FBXL17: variants seen among roughly 807,000 people sequenced by gnomAD.
The protein encoded by FBXL17 is F-box and leucine rich repeat protein 17.
Under a neutral mutation model 66.2 loss-of-function variants are expected in FBXL17, and 22 were observed. The observed-to-expected ratio is 0.33, with a 90% confidence interval of 0.24 to 0.47. The LOEUF is 0.47. Among genes scored for constraint, FBXL17 ranks in the 20% least tolerant of loss-of-function variants. FBXL17 has a pLI of 1.00. For synonymous variants in FBXL17, 474 were observed against 400.5 expected, an observed-to-expected ratio of 1.18 and a Z score of -2.19; for missense variants, 878 against 948.2, an observed-to-expected ratio of 0.93 and a Z score of 0.97.
intron 7 of FBXL17, among the ~76,000 whole-genome samples, chr5:107,967,340 A>G (rs1372502270): frequency 6.6e-6 from 1 of 152,048 alleles, no homozygotes; most frequent in Admixed American, 6.6e-5. Context: ...TCAAATCTCT[A>G]GAACTGCTTA....
At chr5:107,986,828 T>C (rs1753027367) in intron 7 of FBXL17, among the ~76,000 whole-genome samples, 1 of 152,014 alleles carries the variant, frequency 6.6e-6, no homozygotes, top group African/African-American at 2.4e-5. Context: ...ATTTAAAATA[T>C]ATTCTAAGAA....
At chr5:107,969,981 T>G (rs1752306164) in intron 7 of FBXL17, among the ~76,000 whole-genome samples, 1 of 152,190 alleles carries the variant, frequency 6.6e-6, no homozygotes, top group Non-Finnish European at 1.5e-5. Flanking sequence ...AGGGCATATT[T>G]GCATATTTAG....
chr5:108,073,139 A>G (rs1280766055), intron 6 of FBXL17, among the ~76,000 whole-genome samples: 1 of 152,196 alleles, frequency 6.6e-6, no homozygotes, highest in East Asian at 1.9e-4. Context: ...AAAATAAAAA[A>G]TGAAAAACTC....
intron 8 of FBXL17, among the ~76,000 whole-genome samples, chr5:107,871,057 C>CAAAAAAAGAAAAAAA (rs1748432979): frequency 1.5e-5 from 1 of 65,892 alleles, no homozygotes; most frequent in South Asian, 4.8e-4. Flanking sequence ...TCTTGGGCGG[C>CAAAAAAAGAAAAAAA]AAAAAAAAAA....
rs181048799 is a variant in FBXL17 at position 108,188,269 on chromosome 5, T to C, written c.1615-2022A>G. ...CATGCTGCCCAACTATGGAGATAAATAGAGATAGCTGCGACAGATAAAACA... is the reference window on the plus strand; with the variant it reads ...CATGCTGCCCAACTATGGAGATAAACAGAGATAGCTGCGACAGATAAAACA... On this transcript the variant is annotated intron_variant, in intron 5 of 8. Transcript: ENST00000542267. Among the ~76,000 whole-genome samples the C allele has an allele frequency of 1.9e-4, 29 of 152,230 alleles. No individual in the cohort carries two copies. The East Asian group carries it at 5.0e-3, about 26-fold the overall frequency.
intron 6 of FBXL17, among the ~76,000 whole-genome samples, chr5:108,049,184 C>T (rs1289868917): frequency 6.6e-6 from 1 of 151,910 alleles, no homozygotes; most frequent in Non-Finnish European, 1.5e-5. Context: ...TCACTCTTGC[C>T]CAGGCTGGAG....
chr5:108,118,942 C>T (rs964195476), intron 6 of FBXL17, among the ~76,000 whole-genome samples: 12 of 152,162 alleles, frequency 7.9e-5, no homozygotes, highest in African/African-American at 2.4e-4. Flanking sequence ...TCAAATGAGA[C>T]GCCACCTCCT....
chr5:108,336,788 A>T (rs1255191197), intron 4 of FBXL17, among the ~76,000 whole-genome samples: 2 of 152,142 alleles, frequency 1.3e-5, no homozygotes, highest in Admixed American at 1.3e-4. Context: ...TTAATGAAAA[A>T]TCACTTGATA....
At chr5:108,022,264 A>ACAATGCAATTAAT (rs1754632833) in intron 6 of FBXL17, among the ~76,000 whole-genome samples, 1 of 151,994 alleles carries the variant, frequency 6.6e-6, no homozygotes, top group South Asian at 2.1e-4. Flanking sequence ...AACTTAAAAC[A>ACAATGCAATTAAT]GCAACACAAT....
At chr5:107,889,451 TA>T (rs1484835804) in intron 7 of FBXL17, among the ~76,000 whole-genome samples, 1 of 152,112 alleles carries the variant, frequency 6.6e-6, no homozygotes, top group Non-Finnish European at 1.5e-5. Flanking sequence ...CCATCAATGG[TA>T]GATAACATTA....
chr5:108,219,928 C>CTTTTTTTTTTTTTTTTTTTTTTTTTT, intron 5 of FBXL17, among the ~76,000 whole-genome samples: 9 of 37,456 alleles, frequency 2.4e-4, no homozygotes, highest in African/African-American at 4.8e-4. Flanking sequence ...TTACTATTTC[C>CTTTTTTTTTTTTTTTTTTTTTTTTTT]TTTTTTTTTT....
At chr5:108,153,372 A>C (rs749438494) in intron 6 of FBXL17, among the ~76,000 whole-genome samples, 3 of 152,234 alleles carry the variant, frequency 2.0e-5, no homozygotes, top group Non-Finnish European at 4.4e-5. Flanking sequence ...ACTGAAGTGA[A>C]TTAACCAACT....
chr5:108,189,530 A>G (rs1753380800), intron 5 of FBXL17, among the ~76,000 whole-genome samples: 1 of 152,154 alleles, frequency 6.6e-6, no homozygotes, highest in Non-Finnish European at 1.5e-5. Flanking sequence ...ATAAACAGGT[A>G]TGGTAGGCAA....
chr5:108,226,015 T>C (rs567373443), intron 4 of FBXL17, among the ~76,000 whole-genome samples: 1 of 152,300 alleles, frequency 6.6e-6, no homozygotes, highest in African/African-American at 2.4e-5. Flanking sequence ...ACTTCATTCC[T>C]TAGGTGATCA....
intron 6 of FBXL17, among the ~76,000 whole-genome samples, chr5:108,041,284 T>TC (rs1211326890): frequency 6.6e-6 from 1 of 152,192 alleles, no homozygotes; most frequent in Admixed American, 6.5e-5. Context: ...TCATGTTTAA[T>TC]CAACCTTCAC....
chr5:108,305,176 T>G (rs1156882065), intron 4 of FBXL17, among the ~76,000 whole-genome samples: 1 of 152,020 alleles, frequency 6.6e-6, no homozygotes, highest in Non-Finnish European at 1.5e-5. Flanking sequence ...CATATGGATT[T>G]GGTTAACATA....
At chr5:107,991,983 A>T (rs1351350146) in intron 7 of FBXL17, among the ~76,000 whole-genome samples, 2 of 152,170 alleles carry the variant, frequency 1.3e-5, no homozygotes, top group Admixed American at 1.3e-4. Context: ...AGAGTATCAG[A>T]ATTTCTTTCA....
At chr5:107,942,758 T>C (rs1273938924) in intron 7 of FBXL17, among the ~76,000 whole-genome samples, 1 of 133,528 alleles carries the variant, frequency 7.5e-6, no homozygotes, top group Non-Finnish European at 1.6e-5. Context: ...ACAGGCACAA[T>C]TATCTCCCTT....
Position 108,381,184 on chromosome 5 carries a change from G to A in FBXL17, c.508C>T (p.Leu170=). 3.5e-6 allele frequency: 5 copies of A among 1,436,548 alleles called. No homozygotes were observed. Among genetic ancestry groups the A allele is most frequent in the Non-Finnish European group, 4.6e-6 (5 of 1,097,034 alleles). 89.0% of individuals were successfully genotyped at this position (1,436,548 alleles called of 1,614,324 possible). A position where few individuals can be genotyped will look rare whatever the true frequency, so the allele number is the denominator to read the frequency against. Residue 170 remains leucine, a synonymous_variant, in exon 1 of 9, where the codon CTG becomes TTG. Coordinates refer to ENST00000542267, the MANE Select transcript of FBXL17 (RefSeq NM_001163315.3). ...AGCTGCACGGCGGCGGGCGGCCCCAGGAAGCGCACCGGCCCCAAGCTGGCC... is the reference window on the plus strand; with the variant it reads ...AGCTGCACGGCGGCGGGCGGCCCCAAGAAGCGCACCGGCCCCAAGCTGGCC... ...FLASLGPVRF[L]GPPAAVQLFR...
Sources: gnomAD v4.1 joint callset for allele counts (sites outside exome capture counted in the v4.1 genomes callset) on GRCh38, gnomAD v4.1.1 for gene constraint, MANE v1.5 for transcripts, NCBI Gene and HGNC (gene_info 2026-07-23, HGNC 2026-07-21) for gene names.